HMGB2: variants seen among roughly 807,000 people sequenced by gnomAD.
HMGB2 encodes the protein high mobility group box 2.
Under a neutral mutation model 23.0 loss-of-function variants are expected in HMGB2, and 2 were observed. That is an observed-to-expected ratio of 0.09 (90% CI 0.04 to 0.27). HMGB2 has a LOEUF of 0.27. Ranked by LOEUF, HMGB2 falls within the 10% of genes least tolerant of loss-of-function variation. The pLI is 1.00. For missense variants in HMGB2, 178 were observed against 256.5 expected, an observed-to-expected ratio of 0.69 and a Z score of 2.09; for synonymous variants, 99 against 87.5, an observed-to-expected ratio of 1.13 and a Z score of -0.73.
rs1276162030 is a variant in HMGB2, at chr4:173,333,820, C to A, written c.-20-151G>T. The A allele has an allele frequency of 4.1e-5, 16 of 390,974 alleles. No homozygotes were observed. The East Asian group carries it at 7.5e-4, about 18-fold the overall frequency. 24.2% of individuals were successfully genotyped at this position (390,974 alleles called of 1,614,324 possible). A position where few individuals can be genotyped will look rare whatever the true frequency, so the allele number is the denominator to read the frequency against. On this transcript the variant is annotated intron_variant, in intron 1 of 4. Transcript: ENST00000296503. This position sits in a 1 kb window ranked among gnomAD's most constrained non-coding sequence, Gnocchi z 4.6. Reference sequence around the variant, plus strand: ...CCTCCCGAGGGCGTCCTCCCAAGGGCGGCCGCCCGCGCCCCCGCCCGCGCC... The same window carrying A: ...CCTCCCGAGGGCGTCCTCCCAAGGGAGGCCGCCCGCGCCCCCGCCCGCGCC...
Position 173,331,914 on chromosome 4 carries a change from AT to A in HMGB2, c.*165del, listed in dbSNP as rs1302370171. ...AGCCCATCAAAAAGCTACAACCTGC[AT>A]TTTTTAAAAGTATTTTCTCTACAGA... On this transcript the variant is annotated 3_prime_UTR_variant, in exon 5 of 5. Transcript: ENST00000296503. 2.0e-6 allele frequency: 2 copies of A among 1,005,054 alleles called. No homozygotes were observed. The highest frequency in any genetic ancestry group is 2.9e-6 in the Non-Finnish European group (2 of 699,260). 62.3% of individuals were successfully genotyped at this position (1,005,054 alleles called of 1,614,324 possible). A position where few individuals can be genotyped will look rare whatever the true frequency, so the allele number is the denominator to read the frequency against.
Position 173,333,631 on chromosome 4 carries a change from T to C in HMGB2, c.19A>G (p.Asn7Asp). 1 of 1,614,040 alleles carries C rather than the reference T, an allele frequency of 6.2e-7. No individual in the cohort carries two copies. ...GAGGACATTTTGCCCCGCGGCTTGT[T>C]GGGGTCTCCTTTACCCATGTTGACA... is the stretch of plus-strand genomic sequence containing the variant. MGKGDP[N>D]KPRGKMSSYA... is the part of the protein sequence containing the mutation. Residue 7 changes from asparagine to aspartate, a missense_variant, in exon 2 of 5, where the codon AAC becomes GAC. By Grantham distance (23) the Asn-to-Asp change is conservative. Transcript: ENST00000296503. This position sits in a 1 kb window ranked among gnomAD's most constrained non-coding sequence, Gnocchi z 4.6.
chr4:173,333,731 G>C lies in HMGB2; in HGVS notation c.-20-62C>G. On this transcript the variant is annotated intron_variant, in intron 1 of 4. Coordinates refer to ENST00000296503, the MANE Select transcript of HMGB2 (RefSeq NM_002129.4). The surrounding 1 kb of genome is among the most constrained non-coding windows in gnomAD (Gnocchi z 4.6). Reference sequence around the variant, plus strand: ...GTCGGCGCGGAGCCCGCAGCTGCCAGGGCGGGCGCTGGCGGGGCTCCGCTT... The same window carrying C: ...GTCGGCGCGGAGCCCGCAGCTGCCACGGCGGGCGCTGGCGGGGCTCCGCTT... 7.4e-7 allele frequency: 1 copy of C among 1,344,650 alleles called. No homozygotes were observed. 83.3% of individuals were successfully genotyped at this position (1,344,650 alleles called of 1,614,324 possible). A position where few individuals can be genotyped will look rare whatever the true frequency, so the allele number is the denominator to read the frequency against.
chr4:173,333,146 C>T lies in HMGB2; in HGVS notation c.219G>A (p.Arg73=). The change falls in exon 3 of 5, where the codon AGG becomes AGA. Residue 73 remains arginine, a synonymous_variant. Coordinates refer to ENST00000296503, the MANE Select transcript of HMGB2 (RefSeq NM_002129.4). This position sits in a 1 kb window ranked among gnomAD's most constrained non-coding sequence, Gnocchi z 4.6. ...MAKSDKARYD[R]EMKNYVPPKG... ...TGGGAGGAACGTAATTTTTCATCTC[C>T]CTGTCATAGCGAGCTTTGTCACTTT... 2.5e-6 allele frequency: 4 copies of T among 1,614,052 alleles called. No individual in the cohort carries two copies. Among genetic ancestry groups the T allele is most frequent in the Non-Finnish European group, 1.7e-6 (2 of 1,179,978 alleles).
In HMGB2 at chr4:173,333,677, G is replaced by T; in HGVS notation, c.-20-8C>A. On this transcript the variant is annotated splice_region_variant and splice_polypyrimidine_tract_variant and intron_variant, in intron 1 of 4. Coordinates refer to ENST00000296503, the MANE Select transcript of HMGB2 (RefSeq NM_002129.4). This position sits in a 1 kb window ranked among gnomAD's most constrained non-coding sequence, Gnocchi z 4.6. ...TGACAGATCCGCGTCCACCTGACGG[G>T]GCCGAGGGGGGAGAGGGGAAGCCGG... 1.9e-6 allele frequency: 3 copies of T among 1,579,956 alleles called. No homozygotes were observed. The highest frequency in any genetic ancestry group is 2.6e-6 in the Non-Finnish European group (3 of 1,159,596).
rs902605947 is a variant in HMGB2, at chr4:173,333,752, C to T, written c.-20-83G>A. The T allele has an allele frequency of 3.5e-6, 4 of 1,132,618 alleles. No individual in the cohort carries two copies. In the Admixed American group the frequency reaches 8.7e-5, roughly 25 times the overall value. The allele number at this position is 1,132,618 out of a possible 1,614,324, so 70.2% of individuals were successfully genotyped here. A position where few individuals can be genotyped will look rare whatever the true frequency, so the allele number is the denominator to read the frequency against. ...GCCAGGGCGGGCGCTGGCGGGGCTC[C>T]GCTTCCCGCCCAAATCCGCTCCCGC... On this transcript the variant is annotated intron_variant, in intron 1 of 4. Coordinates refer to ENST00000296503, the MANE Select transcript of HMGB2 (RefSeq NM_002129.4). The surrounding 1 kb of genome is among the most constrained non-coding windows in gnomAD (Gnocchi z 4.6).
At position 173,333,545 on chromosome 4, in the gene HMGB2, G is replaced by A. The variant is rs190555602; in HGVS notation, c.105C>T (p.Ser35=). The change falls in exon 2 of 5, where the codon TCC becomes TCT. Residue 35 remains serine, a synonymous_variant. Transcript: ENST00000296503. This position sits in a 1 kb window ranked among gnomAD's most constrained non-coding sequence, Gnocchi z 4.6. Reference sequence around the variant, plus strand: ...TCTTGGAGAATTCCGCGAAATTGACGGAAGAGTCCGGGTGTTTCTTCTTGT... The same window carrying A: ...TCTTGGAGAATTCCGCGAAATTGACAGAAGAGTCCGGGTGTTTCTTCTTGT... ...EEHKKKHPDS[S]VNFAEFSKKC... 173 of 1,614,150 alleles carry A rather than the reference G, an allele frequency of 1.1e-4. 2 individuals are homozygous for A. The East Asian group carries it at 2.7e-3, about 25-fold the overall frequency.
rs1016749964 is a variant in HMGB2, at chr4:173,334,073, C to G, written c.-21+199G>C. On this transcript the variant is annotated intron_variant, in intron 1 of 4. Coordinates refer to ENST00000296503, the MANE Select transcript of HMGB2 (RefSeq NM_002129.4). ...TGACCGACATTGAAAACTCCCAGAA[C>G]CGGGCCCGGTCAGGGGCAGTTTCCG... is the stretch of plus-strand genomic sequence containing the variant. The G allele has an allele frequency of 2.6e-4, 40 of 152,774 alleles. 1 individual carries two copies. The highest frequency in any genetic ancestry group is 2.6e-3 in the Admixed American group (40 of 15,294). 9.5% of individuals were successfully genotyped at this position (152,774 alleles called of 1,614,324 possible).
intron 4 of HMGB2, 45 bp downstream of exon 4, chr4:173,332,776 C>G: frequency 6.5e-7 from 1 of 1,536,716 alleles, no homozygotes; most frequent in South Asian, 1.1e-5. Flanking sequence ...CAGTTATTAC[C>G]TATACCTAGT....
chr4:173,332,315 A>G (rs1009246788), intron 4 of HMGB2, 77 bp from the exon 5 acceptor site: 4 of 1,122,056 alleles, frequency 3.6e-6, no homozygotes, highest in African/African-American at 1.6e-5. Context: ...TAAACAATCT[A>G]AGATGATTGA....
Position 173,332,262 on chromosome 4 carries a change from A to G in HMGB2, c.472-24T>C, listed in dbSNP as rs372933014. Reference sequence around the variant, plus strand: ...TCCTGAAATATTGTCAAAAAAATAAAGCATCCGGTATCATTACTCAACTGT... The same window carrying G: ...TCCTGAAATATTGTCAAAAAAATAAGGCATCCGGTATCATTACTCAACTGT... On this transcript the variant is annotated intron_variant, in intron 4 of 4. Transcript: ENST00000296503. 4 of 1,529,760 alleles carry G rather than the reference A, an allele frequency of 2.6e-6. No individual in the cohort carries two copies. The African/African-American group carries it at 5.6e-5, about 21-fold the overall frequency. The allele number at this position is 1,529,760 out of a possible 1,614,324, so 94.8% of individuals were successfully genotyped here. A position where few individuals can be genotyped will look rare whatever the true frequency, so the allele number is the denominator to read the frequency against.
chr4:173,333,086 A>G lies in HMGB2; in HGVS notation c.279T>C (p.Asn93=). 3 of 1,613,930 alleles carry G rather than the reference A, an allele frequency of 1.9e-6. No individual in the cohort carries two copies. Among genetic ancestry groups the G allele is most frequent in the Non-Finnish European group, 2.5e-6 (3 of 1,179,976 alleles). The part of the protein sequence containing the change: ...GDKKGKKKDP[N]APKRPPSAFF... ...AAACTTACGGTGGCCTTTTAGGAGCATTGGGGTCCTTTTTCTTCCCCTTCT... is the reference window on the plus strand; with the variant it reads ...AAACTTACGGTGGCCTTTTAGGAGCGTTGGGGTCCTTTTTCTTCCCCTTCT... Residue 93 remains asparagine (N), a synonymous_variant, in exon 3 of 5, where the codon AAT becomes AAC. Transcript: ENST00000296503. The surrounding 1 kb of genome is among the most constrained non-coding windows in gnomAD (Gnocchi z 4.6).
rs375110167 is a variant in HMGB2 at position 173,333,476 on chromosome 4, A to T, written c.150+24T>A. ...CCGAAAACCACACCTGCACCCCCTG[A>T]GCTCCGTCCCTCTCCTGCCTCACCT... On this transcript the variant is annotated intron_variant, in intron 2 of 4. Coordinates refer to ENST00000296503, the MANE Select transcript of HMGB2 (RefSeq NM_002129.4). The surrounding 1 kb of genome is among the most constrained non-coding windows in gnomAD (Gnocchi z 4.6). 4.2e-5 allele frequency: 67 copies of T among 1,605,718 alleles called. No individual in the cohort carries two copies. Among genetic ancestry groups the T allele is most frequent in the Non-Finnish European group, 5.4e-5 (63 of 1,175,158 alleles).
chr4:173,332,724 C>T, intron 4 of HMGB2, 97 bp downstream of exon 4: 5 of 1,084,042 alleles, frequency 4.6e-6, no homozygotes, highest in Non-Finnish European at 6.8e-6. Flanking sequence ...ACATAGCTGA[C>T]AACCATTAAT....
chr4:173,331,396 G>GTATA lies in HMGB2; in HGVS notation c.*680_*683dup, dbSNP rs561019112. 1.1e-4 allele frequency among the ~76,000 whole-genome samples: 8 copies of GTATA among 75,386 alleles called. No homozygotes were observed. Among genetic ancestry groups the GTATA allele is most frequent in the African/African-American group, 3.1e-4 (7 of 22,440 alleles). 49.5% of individuals were successfully genotyped at this position (75,386 alleles called of 152,430 possible). On this transcript the variant is annotated 3_prime_UTR_variant, in exon 5 of 5. Coordinates refer to ENST00000296503, the MANE Select transcript of HMGB2 (RefSeq NM_002129.4). ...TATACATATATATATATATATATAT[G>GTATA]TATATATATATACACACACCTGAGG...
chr4:173,332,706 T>A (rs1398280641), intron 4 of HMGB2, 115 bp downstream of exon 4: 1 of 964,918 alleles, frequency 1.0e-6, no homozygotes, highest in East Asian at 2.4e-5. Flanking sequence ...TCATTAGGCC[T>A]TTTCAAAACA....
In HMGB2 at chr4:173,332,968, T is replaced by A. The variant is rs753279112; in HGVS notation, c.324A>T (p.Glu108Asp). 6.2e-7 allele frequency: 1 copy of A among 1,614,172 alleles called. No homozygotes were observed. The highest frequency in any genetic ancestry group is 2.2e-5 in the East Asian group (1 of 44,876). ...PPSAFFLFCS[E>D]HRPKIKSEHP... ...GTTCACTTTTGATCTTTGGGCGATGTTCAGAGCAAAACAGGAAGAAGGCAG... is the reference window on the plus strand; with the variant it reads ...GTTCACTTTTGATCTTTGGGCGATGATCAGAGCAAAACAGGAAGAAGGCAG... The change falls in exon 4 of 5, where the codon GAA (glutamate) becomes GAT (aspartate). Residue 108 changes from glutamate to aspartate, a missense_variant. By Grantham distance (45) the Glu-to-Asp change is conservative. Transcript: ENST00000296503.
At position 173,332,175 on chromosome 4, in the gene HMGB2, T is replaced by C; in HGVS notation, c.535A>G (p.Thr179Ala). The C allele has an allele frequency of 6.2e-7, 1 of 1,613,698 alleles. No individual in the cohort carries two copies. Among genetic ancestry groups the C allele is most frequent in the Non-Finnish European group, 8.5e-7 (1 of 1,179,736 alleles). ...GGTTCGTTCTTCTTCTTTGAGCCTGTTGGCCTGCCAGGGCCCTTCTTTCCT... is the reference window on the plus strand; with the variant it reads ...GGTTCGTTCTTCTTCTTTGAGCCTGCTGGCCTGCCAGGGCCCTTCTTTCCT... ...EAGKKGPGRP[T>A]GSKKKNEPED... is the part of the protein sequence containing the mutation. Residue 179 changes from threonine to alanine, a missense_variant, in exon 5 of 5, where the codon ACA becomes GCA. Coordinates refer to ENST00000296503, the MANE Select transcript of HMGB2 (RefSeq NM_002129.4).
Position 173,331,394 on chromosome 4 carries a change from A to ATATATATATATATATATATG in HMGB2, c.*685_*686insCATATATATATATATATATA, listed in dbSNP as rs33987506. Reference sequence around the variant, plus strand: ...TATATACATATATATATATATATATATGTATATATATATACACACACCTGA... The same window carrying ATATATATATATATATATATG: ...TATATACATATATATATATATATATATATATATATATATATATATGTGTATATATATATACACACACCTGA... On this transcript the variant is annotated 3_prime_UTR_variant, in exon 5 of 5. Transcript: ENST00000296503. Among the ~76,000 whole-genome samples the ATATATATATATATATATATG allele has an allele frequency of 1.5e-4, 21 of 138,864 alleles. No homozygotes were observed. Among genetic ancestry groups the ATATATATATATATATATATG allele is most frequent in the African/African-American group, 5.2e-4 (18 of 34,396 alleles). The allele number at this position is 138,864 out of a possible 152,430, so 91.1% of individuals were successfully genotyped here. A position where few individuals can be genotyped will look rare whatever the true frequency, so the allele number is the denominator to read the frequency against.
Sources: allele counts gnomAD v4.1 joint callset (sites outside exome capture counted in the v4.1 genomes callset), GRCh38; gene constraint gnomAD v4.1.1; non-coding constraint Gnocchi (gnomAD v3.1); transcripts MANE v1.5; gene names NCBI Gene and HGNC (gene_info 2026-07-23, HGNC 2026-07-21).